The following MGAT4C variants were observed in gnomAD, a reference collection of about 807,000 sequenced individuals.
MGAT4C encodes the protein alpha-1,3-mannosyl-glycoprotein 4-beta-N-acetylglucosaminyltransferase C.
In MGAT4C, 19 loss-of-function variants were observed where a neutral mutation model predicts 40.1. That is an observed-to-expected ratio of 0.47 (90% CI 0.33 to 0.70). The LOEUF is 0.70. Among genes scored for constraint, MGAT4C ranks in the 30% least tolerant of loss-of-function variants. The probability of loss-of-function intolerance (pLI) is 0.02; values close to 1 mark genes in which losing one functional copy is unlikely to be tolerated. For synonymous variants in MGAT4C, 181 were observed against 187.1 expected, an observed-to-expected ratio of 0.97 and a Z score of 0.27; for missense variants, 491 against 563.2, an observed-to-expected ratio of 0.87 and a Z score of 1.30.
rs533315327 is a variant in MGAT4C at position 85,976,151 on chromosome 12, C to T, written c.*3138G>A. 1.3e-5 allele frequency: 2 copies of T among 150,906 alleles called. No homozygotes were observed. The highest frequency in any genetic ancestry group is 4.2e-4 in the South Asian group (2 of 4,808). The allele number at this position is 150,906 out of a possible 1,614,324, so 9.3% of individuals were successfully genotyped here. On this transcript the variant is annotated 3_prime_UTR_variant, in exon 5 of 5. Coordinates refer to ENST00000611864, the MANE Select transcript of MGAT4C (RefSeq NM_001351288.2). Reference sequence around the variant, plus strand: ...TTTCTATGATAGCATTATAAAAATTCCCAGAGAATACTGGCCCAGTAAGAA... The same window carrying T: ...TTTCTATGATAGCATTATAAAAATTTCCAGAGAATACTGGCCCAGTAAGAA...
intron 2 of MGAT4C, among the ~76,000 whole-genome samples, chr12:86,492,541 G>A (rs1958158297): frequency 6.6e-6 from 1 of 152,140 alleles, no homozygotes; most frequent in Non-Finnish European, 1.5e-5. Flanking sequence ...AACAAGCAAT[G>A]GGGAAAGGAT....
intron 3 of MGAT4C, among the ~76,000 whole-genome samples, chr12:86,425,068 G>C (rs1300802246): frequency 6.6e-6 from 1 of 151,808 alleles, no homozygotes; most frequent in Non-Finnish European, 1.5e-5. Context: ...ACATTTTAAA[G>C]CTAAGTCTAG....
intron 2 of MGAT4C, among the ~76,000 whole-genome samples, chr12:86,669,112 T>C: frequency 6.6e-6 from 1 of 152,022 alleles, no homozygotes; most frequent in East Asian, 1.9e-4. Flanking sequence ...CACTTTCTGC[T>C]CTATGCCCAG....
At chr12:86,083,825 A>G (rs1871275055) in intron 1 of MGAT4C, among the ~76,000 whole-genome samples, 1 of 152,082 alleles carries the variant, frequency 6.6e-6, no homozygotes. Context: ...ATGAATCTCT[A>G]GAATCTAAGG....
At chr12:86,092,565 A>G (rs1007706249) in intron 1 of MGAT4C, among the ~76,000 whole-genome samples, 5 of 152,114 alleles carry the variant, frequency 3.3e-5, no homozygotes, top group African/African-American at 1.2e-4. Flanking sequence ...TGTGTGCCCC[A>G]GGGAAATTTA....
chr12:86,725,330 A>G (rs929995787), intron 2 of MGAT4C, among the ~76,000 whole-genome samples: 1 of 152,178 alleles, frequency 6.6e-6, no homozygotes, highest in Non-Finnish European at 1.5e-5. Context: ...GAAGAATATC[A>G]CATCCTTAGC....
intron 2 of MGAT4C, among the ~76,000 whole-genome samples, chr12:86,468,785 GC>G (rs962264537): frequency 2.0e-5 from 3 of 151,968 alleles, no homozygotes; most frequent in Admixed American, 2.0e-4. Flanking sequence ...TGCCTAGTGT[GC>G]TTTTCTTCTA....
chr12:86,807,889 CT>C (rs1467870300), intron 1 of MGAT4C, among the ~76,000 whole-genome samples: 1 of 151,982 alleles, frequency 6.6e-6, no homozygotes, highest in Non-Finnish European at 1.5e-5. Flanking sequence ...TGATGTTGAG[CT>C]TTTTTTCCAT....
At chr12:86,694,589 G>A (rs1950223033) in intron 2 of MGAT4C, among the ~76,000 whole-genome samples, 1 of 151,978 alleles carries the variant, frequency 6.6e-6, no homozygotes, top group Admixed American at 6.6e-5. Flanking sequence ...AGAATTATTT[G>A]AAAATAATAA....
chr12:86,121,512 C>A (rs745416562), intron 1 of MGAT4C, among the ~76,000 whole-genome samples: 1 of 152,126 alleles, frequency 6.6e-6, no homozygotes, highest in Admixed American at 6.6e-5. Context: ...TCAGGTTACC[C>A]ACAAAACGAA....
At chr12:86,211,780 G>T (rs2135960538) in intron 1 of MGAT4C, among the ~76,000 whole-genome samples, 1 of 151,612 alleles carries the variant, frequency 6.6e-6, no homozygotes, top group South Asian at 2.1e-4. Context: ...TTTGTTGCTG[G>T]TTTTTGTTGT....
chr12:86,812,262 G>A (rs1446327251), intron 1 of MGAT4C, among the ~76,000 whole-genome samples: 1 of 152,030 alleles, frequency 6.6e-6, no homozygotes, highest in African/African-American at 2.4e-5. Flanking sequence ...GTTGAAAAAT[G>A]TGTATTCTGA....
At chr12:86,765,647 A>G (rs1951492047) in intron 1 of MGAT4C, among the ~76,000 whole-genome samples, 1 of 152,254 alleles carries the variant, frequency 6.6e-6, no homozygotes, top group South Asian at 2.1e-4. Context: ...AGAGAAGCCC[A>G]TCAGACTAAC....
chr12:86,494,215 A>T (rs1395700919), intron 2 of MGAT4C, among the ~76,000 whole-genome samples: 2 of 152,018 alleles, frequency 1.3e-5, no homozygotes, highest in Non-Finnish European at 2.9e-5. Flanking sequence ...TCTTTGAAAG[A>T]TCAAAAGTTG....
intron 1 of MGAT4C, among the ~76,000 whole-genome samples, chr12:86,225,393 G>A (rs570645335): frequency 1.3e-5 from 2 of 152,138 alleles, no homozygotes; most frequent in African/African-American, 4.8e-5. Context: ...CAATCTTCCT[G>A]AAACTATTTC....
chr12:86,361,778 A>G (rs1240586134), intron 3 of MGAT4C, among the ~76,000 whole-genome samples: 3 of 152,228 alleles, frequency 2.0e-5, no homozygotes, highest in African/African-American at 7.2e-5. Context: ...AATCAAAACC[A>G]CAATGAGATA....
rs569578139 is a variant in MGAT4C at position 85,971,803 on chromosome 12, A to G, written c.*7486T>C. On this transcript the variant is annotated 3_prime_UTR_variant, in exon 5 of 5. Coordinates refer to ENST00000611864, the MANE Select transcript of MGAT4C (RefSeq NM_001351288.2). ...CTTTTCCTCTGCATCCTTTTACCTCATGTTTGTAACATTTCCCCTGTTGTT... is the reference window on the plus strand; with the variant it reads ...CTTTTCCTCTGCATCCTTTTACCTCGTGTTTGTAACATTTCCCCTGTTGTT... 2.6e-5 allele frequency: 4 copies of G among 151,276 alleles called. No individual in the cohort carries two copies. The highest frequency in any genetic ancestry group is 1.9e-4 in the East Asian group (1 of 5,168). 9.4% of individuals were successfully genotyped at this position (151,276 alleles called of 1,614,324 possible).
At chr12:86,694,048 A>G (rs1950213914) in intron 2 of MGAT4C, among the ~76,000 whole-genome samples, 1 of 152,192 alleles carries the variant, frequency 6.6e-6, no homozygotes, top group Non-Finnish European at 1.5e-5. Context: ...TACACTTTTA[A>G]CATGTAGCTT....
At chr12:86,344,865 T>C (rs931728984) in intron 3 of MGAT4C, among the ~76,000 whole-genome samples, 5 of 152,004 alleles carry the variant, frequency 3.3e-5, no homozygotes, top group Admixed American at 2.0e-4. Context: ...CATATTGACA[T>C]ATTTAATCCA....
Sources: gnomAD v4.1 joint callset for allele counts (sites outside exome capture counted in the v4.1 genomes callset) on GRCh38, gnomAD v4.1.1 for gene constraint, MANE v1.5 for transcripts, NCBI Gene and HGNC (gene_info 2026-07-23, HGNC 2026-07-21) for gene names.